SGPP2: variants seen among roughly 807,000 people sequenced by gnomAD.
SGPP2 encodes the protein sphingosine-1-phosphate phosphatase 2, also known as sphingosine 1-phosphate phosphohydrolase 2.
SGPP2 carries 30 observed loss-of-function variants against 33.9 expected under a neutral mutation model. The ratio of observed to expected loss-of-function variants is 0.89; its 90% CI spans 0.66 to 1.20. The LOEUF is 1.20. Among genes scored for constraint, SGPP2 ranks in the 50% most tolerant of loss-of-function variants. The pLI is 0.00. For synonymous variants in SGPP2, 233 were observed against 225.0 expected (o/e 1.04, Z -0.32); for missense variants, 458 against 532.1 (o/e 0.86, Z 1.37).
rs1420419352 is a variant in SGPP2, at chr2:222,559,737, G to A, written c.*839G>A. On this transcript the variant is annotated 3_prime_UTR_variant, in exon 5 of 5. Coordinates refer to ENST00000321276, the MANE Select transcript of SGPP2 (RefSeq NM_152386.4). ...CCCAAAGTGCTGGGATTATAGGCAT[G>A]AGCCACTGTGCCCGGCCTCCTCCTT... The A allele has an allele frequency of 6.6e-6, 1 of 152,448 alleles. No individual in the cohort carries two copies. Among genetic ancestry groups the A allele is most frequent in the Non-Finnish European group, 1.5e-5 (1 of 68,282 alleles). The allele number at this position is 152,448 out of a possible 1,614,324, so 9.4% of individuals were successfully genotyped here.
intron 1 of SGPP2, among the ~76,000 whole-genome samples, chr2:222,445,773 G>T (rs1458294458): frequency 6.6e-6 from 1 of 152,174 alleles, no homozygotes; most frequent in Non-Finnish European, 1.5e-5. Flanking sequence ...GACCCCGAAG[G>T]CTTAGATGTC....
intron 1 of SGPP2, among the ~76,000 whole-genome samples, chr2:222,461,897 C>T (rs1697666203): frequency 6.6e-6 from 1 of 152,108 alleles, no homozygotes; most frequent in Non-Finnish European, 1.5e-5. Context: ...CTGGAGCCAA[C>T]AAAGGAAGTC....
At chr2:222,431,530 T>G (rs1697155973) in intron 1 of SGPP2, among the ~76,000 whole-genome samples, 1 of 151,734 alleles carries the variant, frequency 6.6e-6, no homozygotes, top group South Asian at 2.1e-4. Context: ...AGTCTAAAAA[T>G]TTTACAAGGT....
At chr2:222,434,358 G>A (rs1309924208) in intron 1 of SGPP2, among the ~76,000 whole-genome samples, 2 of 152,172 alleles carry the variant, frequency 1.3e-5, no homozygotes, top group African/African-American at 4.8e-5. Context: ...GCACGTAGGT[G>A]TGTGACTCAT....
intron 4 of SGPP2, among the ~76,000 whole-genome samples, chr2:222,548,056 A>T (rs189814644): frequency 4.7e-4 from 71 of 152,360 alleles, no homozygotes; most frequent in Non-Finnish European, 8.8e-5. Context: ...CTACAGGGCA[A>T]CAAACTGTAA....
rs929265192 is a variant in SGPP2 at position 222,477,438 on chromosome 2, AATGT to A, written c.378+2719_378+2722del. The stretch of plus-strand genomic sequence containing the variant: ...GTTTATAGGTATGTATATATGTGTG[AATGT>A]ATGTATATAGGTGTGTATATATGTG... On this transcript the variant is annotated intron_variant, in intron 2 of 4. Transcript: ENST00000321276. The surrounding 1 kb of genome is among the most constrained non-coding windows in gnomAD (Gnocchi z 6.0). Among the ~76,000 whole-genome samples, 16 of 149,096 alleles carry A rather than the reference AATGT, an allele frequency of 1.1e-4. No individual in the cohort carries two copies. The highest frequency in any genetic ancestry group is 2.0e-4 in the Admixed American group (3 of 15,028).
At position 222,558,791 on chromosome 2, in the gene SGPP2, C is replaced by A. The variant is rs141391402; in HGVS notation, c.1093C>A (p.Arg365=). 1 of 1,614,086 alleles carries A rather than the reference C, an allele frequency of 6.2e-7. No homozygotes were observed. Among genetic ancestry groups the A allele is most frequent in the South Asian group, 1.1e-5 (1 of 91,070 alleles). Residue 365 remains arginine (R), a synonymous_variant, in exon 5 of 5, where the codon CGG becomes AGG. Transcript: ENST00000321276. ...GGTCACCAGGAACAAGGAGGCCAGG[C>A]GGAGACTGGAGATTGAAGTGCCTTA... is the stretch of plus-strand genomic sequence containing the variant. ...KVVTRNKEAR[R]RLEIEVPYKF... is the part of the protein sequence containing the mutation.
intron 2 of SGPP2, among the ~76,000 whole-genome samples, chr2:222,509,610 A>C (rs1268118947): frequency 2.0e-5 from 3 of 152,220 alleles, no homozygotes; most frequent in African/African-American, 7.2e-5. Context: ...AAGACTATTA[A>C]TAGTTCTAAT....
chr2:222,558,851 G>A lies in SGPP2; in HGVS notation c.1153G>A (p.Ala385Thr), dbSNP rs758647192. ...TACCTACACATCTGTTGGCATCTGC[G>A]CTACAACCTTTGTGCCGATGCTTCA... The part of the protein sequence containing the change: ...FVTYTSVGIC[A>T]TTFVPMLHRF... The change falls in exon 5 of 5, where the codon GCT becomes ACT. Residue 385 changes from alanine to threonine, a missense_variant. Coordinates refer to ENST00000321276, the MANE Select transcript of SGPP2 (RefSeq NM_152386.4). The A allele has an allele frequency of 9.9e-6, 16 of 1,613,232 alleles. No homozygotes were observed. Among genetic ancestry groups the A allele is most frequent in the South Asian group, 4.4e-5 (4 of 91,082 alleles).
intron 2 of SGPP2, among the ~76,000 whole-genome samples, chr2:222,517,667 G>C (rs1698625553): frequency 6.6e-6 from 1 of 152,220 alleles, no homozygotes; most frequent in Non-Finnish European, 1.5e-5. Flanking sequence ...ATGCCCACTG[G>C]GGCTTTGAGA....
Position 222,561,964 on chromosome 2 carries a change from G to C in SGPP2, c.*3066G>C, listed in dbSNP as rs1437070166. Among the ~76,000 whole-genome samples the C allele has an allele frequency of 6.6e-6, 1 of 152,164 alleles. No individual in the cohort carries two copies. Among genetic ancestry groups the C allele is most frequent in the East Asian group, 1.9e-4 (1 of 5,192 alleles). On this transcript the variant is annotated 3_prime_UTR_variant, in exon 5 of 5. Coordinates refer to ENST00000321276, the MANE Select transcript of SGPP2 (RefSeq NM_152386.4). ...ATTGCTTGCCCCTTCAAAGGGTATG[G>C]TTCAGGCTCCTTTCAAGACATTTGG...
At chr2:222,534,929 C>T (rs923521971) in intron 4 of SGPP2, among the ~76,000 whole-genome samples, 4 of 152,118 alleles carry the variant, frequency 2.6e-5, no homozygotes, top group Admixed American at 1.3e-4. Flanking sequence ...ATTATTTAAC[C>T]ACCAAAGGAG....
At chr2:222,522,168 C>T (rs1698696315) in intron 3 of SGPP2, among the ~76,000 whole-genome samples, 1 of 152,210 alleles carries the variant, frequency 6.6e-6, no homozygotes, top group African/African-American at 2.4e-5. Flanking sequence ...AACATCAGCA[C>T]CATATTAATA....
chr2:222,532,715 C>A (rs1698856506), intron 4 of SGPP2, among the ~76,000 whole-genome samples: 1 of 152,182 alleles, frequency 6.6e-6, no homozygotes, highest in Non-Finnish European at 1.5e-5. Context: ...GAAATTATTT[C>A]CAAATCTGAT....
At chr2:222,480,303 G>A (rs373000933) in intron 2 of SGPP2, among the ~76,000 whole-genome samples, 1 of 152,168 alleles carries the variant, frequency 6.6e-6, no homozygotes, top group Non-Finnish European at 1.5e-5. Context: ...CATTGACACC[G>A]CAACTCATCC....
At chr2:222,517,696 T>C (rs189316503) in intron 2 of SGPP2, among the ~76,000 whole-genome samples, 35 of 152,304 alleles carry the variant, frequency 2.3e-4, no homozygotes, top group Non-Finnish European at 4.7e-4. Flanking sequence ...CACACATCCC[T>C]AGACTCCTAA....
At chr2:222,554,150 T>C (rs1689347504) in intron 4 of SGPP2, among the ~76,000 whole-genome samples, 1 of 152,248 alleles carries the variant, frequency 6.6e-6, no homozygotes, top group Non-Finnish European at 1.5e-5. Flanking sequence ...CAGGGCATCC[T>C]GTGAAAAGTC....
At chr2:222,508,753 TATTTC>T (rs924544537) in intron 2 of SGPP2, among the ~76,000 whole-genome samples, 4 of 152,242 alleles carry the variant, frequency 2.6e-5, no homozygotes, top group African/African-American at 9.6e-5. Flanking sequence ...GTGCTTTAGT[TATTTC>T]ATCTCTATTT....
chr2:222,520,948 C>T (rs1698677076), intron 2 of SGPP2, among the ~76,000 whole-genome samples: 1 of 152,046 alleles, frequency 6.6e-6, no homozygotes. Flanking sequence ...TTTGTAGAGA[C>T]AGGGTCTCAC....
Sources: gnomAD v4.1 joint callset for allele counts (sites outside exome capture counted in the v4.1 genomes callset) on GRCh38, gnomAD v4.1.1 for gene constraint, Gnocchi (gnomAD v3.1) non-coding constraint, MANE v1.5 for transcripts, NCBI Gene and HGNC (gene_info 2026-07-23, HGNC 2026-07-21) for gene names.